The following THSD7B variants were observed in gnomAD, a reference collection of about 807,000 sequenced individuals.
THSD7B encodes the protein thrombospondin type-1 domain-containing protein 7B.
In THSD7B, 138 loss-of-function variants were observed where a neutral mutation model predicts 213.6. The ratio of observed to expected loss-of-function variants is 0.65; its 90% confidence interval spans 0.56 to 0.74. The LOEUF (loss-of-function observed/expected upper bound fraction) is 0.74. THSD7B is among the 30% of genes least tolerant of loss of function. The pLI is 0.00. For synonymous variants in THSD7B, 742 were observed against 687.0 expected (o/e 1.08, Z -1.25); for missense variants, 1,931 against 1,991.5 (o/e 0.97, Z 0.58).
chr2:137,664,254 A>C (rs1683406745), intron 26 of THSD7B, among the ~76,000 whole-genome samples: 1 of 152,216 alleles, frequency 6.6e-6, no homozygotes, highest in African/African-American at 2.4e-5. Flanking sequence ...TAGAACCTCA[A>C]GAACTTATAA....
At chr2:137,405,559 G>A in intron 12 of THSD7B, 54 bp from the exon 13 acceptor site, 2 of 1,501,150 alleles carry the variant, frequency 1.3e-6, no homozygotes, top group South Asian at 1.3e-5. Flanking sequence ...CAAAGAACCA[G>A]CAGCTGACTG....
chr2:137,520,160 T>C (rs1349511845), intron 15 of THSD7B, among the ~76,000 whole-genome samples: 1 of 152,176 alleles, frequency 6.6e-6, no homozygotes, highest in East Asian at 1.9e-4. Context: ...TTTTTTCACA[T>C]TTGTTGGGTG....
chr2:137,101,604 C>T (rs1456769838), intron 4 of THSD7B, among the ~76,000 whole-genome samples: 1 of 152,114 alleles, frequency 6.6e-6, no homozygotes, highest in African/African-American at 2.4e-5. Flanking sequence ...CAGCGGATCC[C>T]ACCCCTATGG....
chr2:136,942,618 A>C (rs1200472358), intron 2 of THSD7B, among the ~76,000 whole-genome samples: 1 of 152,116 alleles, frequency 6.6e-6, no homozygotes, highest in Admixed American at 6.5e-5. Flanking sequence ...AGCAATTGTG[A>C]ATGGGAGTTG....
intron 5 of THSD7B, among the ~76,000 whole-genome samples, chr2:137,134,429 G>A (rs1432208): frequency 0.48 from 73,439 of 151,970 alleles, 19,320 homozygotes; most frequent in Non-Finnish European, 0.58. Context: ...TCTTGGGGAC[G>A]AAAGGGGTAC....
chr2:136,964,589 C>T (rs1023667125), intron 2 of THSD7B, among the ~76,000 whole-genome samples: 1 of 152,146 alleles, frequency 6.6e-6, no homozygotes, highest in Admixed American at 6.6e-5. Flanking sequence ...CCTACTTAAA[C>T]GTTCCTATGC....
chr2:137,121,551 A>G (rs1688547390), intron 5 of THSD7B, among the ~76,000 whole-genome samples: 1 of 152,186 alleles, frequency 6.6e-6, no homozygotes. Context: ...AGATATGAAT[A>G]TGGATTTTGG....
At chr2:136,965,523 G>A (rs961239527) in intron 2 of THSD7B, among the ~76,000 whole-genome samples, 3 of 152,154 alleles carry the variant, frequency 2.0e-5, no homozygotes, top group African/African-American at 7.2e-5. Flanking sequence ...CATAACTCCT[G>A]CCTCCTAATA....
chr2:137,101,852 TGGGCAG>T (rs1401101607), intron 4 of THSD7B, among the ~76,000 whole-genome samples: 1 of 152,196 alleles, frequency 6.6e-6, no homozygotes, highest in East Asian at 1.9e-4. Context: ...TTCTCCTCTT[TGGGCAG>T]GGCATCTCTG....
intron 2 of THSD7B, among the ~76,000 whole-genome samples, chr2:137,032,757 A>T (rs1262008047): frequency 6.6e-6 from 1 of 152,196 alleles, no homozygotes; most frequent in Non-Finnish European, 1.5e-5. Context: ...TTAAATGTGC[A>T]TTGGAGTCAT....
intron 2 of THSD7B, among the ~76,000 whole-genome samples, chr2:137,018,104 T>C (rs532449732): frequency 1.9e-4 from 29 of 152,166 alleles, no homozygotes; most frequent in Non-Finnish European, 3.4e-4. Flanking sequence ...AAAATGTAAG[T>C]CTTCAATGCT....
intron 2 of THSD7B, among the ~76,000 whole-genome samples, chr2:136,935,571 A>G (rs1284634314): frequency 6.6e-6 from 1 of 152,184 alleles, no homozygotes; most frequent in Non-Finnish European, 1.5e-5. Flanking sequence ...GTTTAGGGGC[A>G]GATATTTTTA....
At chr2:137,459,244 AT>A (rs1245538380) in intron 15 of THSD7B, among the ~76,000 whole-genome samples, 3 of 152,156 alleles carry the variant, frequency 2.0e-5, no homozygotes, top group Non-Finnish European at 4.4e-5. Context: ...CATTCTTTAG[AT>A]TTTTTAAAGC....
At chr2:137,404,280 C>A (rs946723333) in intron 12 of THSD7B, among the ~76,000 whole-genome samples, 4 of 151,008 alleles carry the variant, frequency 2.6e-5, no homozygotes, top group Admixed American at 6.6e-5. Context: ...TCCATCAGTC[C>A]CACTACTCGG....
At chr2:137,221,031 T>C (rs965128156) in intron 7 of THSD7B, among the ~76,000 whole-genome samples, 9 of 152,156 alleles carry the variant, frequency 5.9e-5, no homozygotes, top group Non-Finnish European at 1.3e-4. Context: ...AAGTTAGAAC[T>C]GGCTCACGCC....
At chr2:136,842,644 A>C (rs978274284) in intron 1 of THSD7B, among the ~76,000 whole-genome samples, 2 of 152,222 alleles carry the variant, frequency 1.3e-5, no homozygotes, top group African/African-American at 4.8e-5. Flanking sequence ...CTCTTTGAGA[A>C]GAACCTTTTT....
At position 137,581,755 on chromosome 2, in the gene THSD7B, G is replaced by A. The variant is rs1275788148; in HGVS notation, c.3423+9199G>A. Among the ~76,000 whole-genome samples, 1,404 of 140,618 alleles carry A rather than the reference G, an allele frequency of 1.0e-2. 9 individuals carry two copies. Among genetic ancestry groups the A allele is most frequent in the Non-Finnish European group, 0.015 (948 of 65,054 alleles). The allele number at this position is 140,618 out of a possible 152,430, so 92.3% of individuals were successfully genotyped here. ...AGCCTGGGCGACAGAGCGAGACTCC[G>A]TCTCAAAAAAAAAAATAAAAAAAAA... On this transcript the variant is annotated intron_variant, in intron 17 of 27. Transcript: ENST00000409968.
At chr2:137,604,176 G>C (rs1682127205) in intron 17 of THSD7B, among the ~76,000 whole-genome samples, 1 of 151,968 alleles carries the variant, frequency 6.6e-6, no homozygotes, top group African/African-American at 2.4e-5. Flanking sequence ...ATTTCTAATT[G>C]CTCATAGCTT....
chr2:137,320,997 T>G (rs1684253151), intron 12 of THSD7B, among the ~76,000 whole-genome samples: 1 of 152,212 alleles, frequency 6.6e-6, no homozygotes, highest in South Asian at 2.1e-4. Context: ...ACAAGTTACT[T>G]GATTTCATTA....
Sources: gnomAD v4.1 joint callset for allele counts (sites outside exome capture counted in the v4.1 genomes callset) on GRCh38, gnomAD v4.1.1 for gene constraint, MANE v1.5 for transcripts, NCBI Gene and HGNC (gene_info 2026-07-23, HGNC 2026-07-21) for gene names.